The following GFRA1 variants were observed in gnomAD, a reference collection of about 807,000 sequenced individuals.
The protein encoded by GFRA1 is GDNF family receptor alpha 1.
GFRA1 carries 16 observed loss-of-function variants against 51.6 expected under a neutral mutation model. The observed-to-expected ratio is 0.31, with a 90% CI of 0.21 to 0.47. The LOEUF is 0.47. GFRA1 is among the 20% of genes least tolerant of loss of function. GFRA1 has a pLI of 1.00. For missense variants in GFRA1, 530 were observed against 594.3 expected, an observed-to-expected ratio of 0.89 and a Z score of 1.13; for synonymous variants, 270 against 241.3, an observed-to-expected ratio of 1.12 and a Z score of -1.10.
rs188761773 is a variant in GFRA1 at position 116,214,474 on chromosome 10, G to A, written c.419-2829C>T. The stretch of plus-strand genomic sequence containing the variant: ...GATCCAACCCCCTCATTTTACAGGT[G>A]AGGAAACTGAGTCCCAGACAGTTCA... On this transcript the variant is annotated intron_variant, in intron 4 of 10. Coordinates refer to ENST00000355422, the MANE Select transcript of GFRA1 (RefSeq NM_005264.8). Among the ~76,000 whole-genome samples the A allele has an allele frequency of 2.8e-3, 430 of 152,298 alleles. 5 individuals carry two copies. Among genetic ancestry groups the A allele is most frequent in the Admixed American group, 0.023 (350 of 15,304 alleles).
chr10:116,193,410 T>G (rs1046023181), intron 5 of GFRA1, among the ~76,000 whole-genome samples: 5 of 152,236 alleles, frequency 3.3e-5, no homozygotes, highest in Admixed American at 6.5e-5. Context: ...CAAACACACT[T>G]TGGGGAGATG....
At chr10:116,109,469 T>A (rs1262393809) in intron 6 of GFRA1, among the ~76,000 whole-genome samples, 1 of 152,188 alleles carries the variant, frequency 6.6e-6, no homozygotes, top group Non-Finnish European at 1.5e-5. Context: ...AAATAATATC[T>A]GTTGTTACTG....
chr10:116,226,803 G>T, intron 4 of GFRA1: 1 of 400,442 alleles, frequency 2.5e-6, no homozygotes, highest in Non-Finnish European at 5.1e-6. Flanking sequence ...GTCCTACCTG[G>T]GAGGGATGGG....
At chr10:116,237,010 C>A (rs1966919061) in intron 4 of GFRA1, among the ~76,000 whole-genome samples, 1 of 152,180 alleles carries the variant, frequency 6.6e-6, no homozygotes, top group Admixed American at 6.5e-5. Context: ...ACTGTGCTAT[C>A]ATTATTTTAT....
At chr10:116,079,968 G>A (rs1955780453) in intron 9 of GFRA1, among the ~76,000 whole-genome samples, 1 of 152,018 alleles carries the variant, frequency 6.6e-6, no homozygotes, top group South Asian at 2.1e-4. Flanking sequence ...CCACACACTG[G>A]AGCTCCACAG....
In GFRA1 at chr10:116,107,842, C is replaced by A. The variant is rs1176392656; in HGVS notation, c.771-11078G>T. On this transcript the variant is annotated intron_variant, in intron 6 of 10. Transcript: ENST00000355422. ...CTAATGCTACCTGGTCTTCCTCAGT[C>A]AAACTTTGCTTCTTTGGAGGTTCCC... 3.3e-5 allele frequency among the ~76,000 whole-genome samples: 5 copies of A among 152,264 alleles called. No homozygotes were observed. In the East Asian group the frequency reaches 9.6e-4, roughly 29 times the overall value.
At chr10:116,204,650 GA>G (rs1297054959) in intron 5 of GFRA1, among the ~76,000 whole-genome samples, 4 of 152,184 alleles carry the variant, frequency 2.6e-5, no homozygotes, top group African/African-American at 9.6e-5. Context: ...GAAGCCAGCT[GA>G]AAGAGCTCCA....
chr10:116,095,053 A>C (rs1442759990), intron 7 of GFRA1, among the ~76,000 whole-genome samples: 1 of 152,194 alleles, frequency 6.6e-6, no homozygotes, highest in Non-Finnish European at 1.5e-5. Context: ...TCCATTCATC[A>C]TCCTTAGGTG....
chr10:116,166,956 C>T (rs1226874670), intron 5 of GFRA1, among the ~76,000 whole-genome samples: 1 of 151,712 alleles, frequency 6.6e-6, no homozygotes, highest in Admixed American at 6.6e-5. Context: ...CCCGCCTCCA[C>T]ACCCGGCTAA....
At chr10:116,103,011 G>C (rs1956876084) in intron 6 of GFRA1, among the ~76,000 whole-genome samples, 1 of 152,188 alleles carries the variant, frequency 6.6e-6, no homozygotes, top group Non-Finnish European at 1.5e-5. Flanking sequence ...TTAGAGGAAA[G>C]AAAGTATGGT....
At chr10:116,084,978 G>A (rs1477755695) in intron 9 of GFRA1, among the ~76,000 whole-genome samples, 1 of 152,164 alleles carries the variant, frequency 6.6e-6, no homozygotes, top group Non-Finnish European at 1.5e-5. Context: ...CCTGTGCCAT[G>A]CTTGTCACTA....
rs1843877225 is a variant in GFRA1, at chr10:116,270,994, C to T, written c.162G>A (p.Ala54=). ...TKYRTLRQCV[A]GKETNFSLAS... ...CCAGGCTGAAGTTGGTCTCCTTGCC[C>T]GCCACGCACTGCCTTAGCGTGCGGT... Residue 54 remains alanine (A), a synonymous_variant, in exon 3 of 11, where the codon GCG becomes GCA. Transcript: ENST00000355422. 3 of 1,614,134 alleles carry T rather than the reference C, an allele frequency of 1.9e-6. No individual in the cohort carries two copies. Among genetic ancestry groups the T allele is most frequent in the South Asian group, 1.1e-5 (1 of 91,096 alleles).
chr10:116,145,706 G>C (rs1001076913), intron 5 of GFRA1, among the ~76,000 whole-genome samples: 1 of 152,140 alleles, frequency 6.6e-6, no homozygotes, highest in African/African-American at 2.4e-5. Flanking sequence ...AGAATTTAAA[G>C]ACAACAGCTA....
chr10:116,140,730 G>A (rs1202917747), intron 5 of GFRA1, among the ~76,000 whole-genome samples: 1 of 152,128 alleles, frequency 6.6e-6, no homozygotes, highest in Non-Finnish European at 1.5e-5. Flanking sequence ...CTCTTTGTGT[G>A]CTAAAGACTT....
rs1006950239 is a variant in GFRA1, at chr10:116,095,691, G to A, written c.880+964C>T. ...TACCATTATTGATTTTCCCAAAGCC[G>A]CCTGCTGAAGATGCTCTGGTGACAA... On this transcript the variant is annotated intron_variant, in intron 7 of 10. Coordinates refer to ENST00000355422, the MANE Select transcript of GFRA1 (RefSeq NM_005264.8). Among the ~76,000 whole-genome samples, 8 of 152,122 alleles carry A rather than the reference G, an allele frequency of 5.3e-5. No individual in the cohort carries two copies. In the South Asian group the frequency reaches 1.0e-3, roughly 20 times the overall value.
intron 9 of GFRA1, among the ~76,000 whole-genome samples, chr10:116,081,417 G>T (rs1250399124): frequency 6.6e-6 from 1 of 152,232 alleles, no homozygotes; most frequent in East Asian, 1.9e-4. Context: ...TTTAGGGACT[G>T]ATTTAATCTA....
chr10:116,180,648 A>G (rs1294431080), intron 5 of GFRA1, among the ~76,000 whole-genome samples: 1 of 152,144 alleles, frequency 6.6e-6, no homozygotes, highest in Non-Finnish European at 1.5e-5. Flanking sequence ...CCCACGGCCA[A>G]TCATTGGCCT....
chr10:116,202,293 G>A (rs561190467), intron 5 of GFRA1, among the ~76,000 whole-genome samples: 1 of 152,320 alleles, frequency 6.6e-6, no homozygotes, highest in South Asian at 2.1e-4. Flanking sequence ...ACTTCCAGCA[G>A]AAAGGATTTG....
At chr10:116,104,667 G>C (rs962534128) in intron 6 of GFRA1, among the ~76,000 whole-genome samples, 1 of 152,200 alleles carries the variant, frequency 6.6e-6, no homozygotes, top group Non-Finnish European at 1.5e-5. Flanking sequence ...AGCCCCCCGA[G>C]GGAAGTCTAG....
Sources: gnomAD v4.1 joint callset for allele counts (sites outside exome capture counted in the v4.1 genomes callset) on GRCh38, gnomAD v4.1.1 for gene constraint, MANE v1.5 for transcripts, NCBI Gene and HGNC (gene_info 2026-07-23, HGNC 2026-07-21) for gene names.